The following COPZ1 variants were observed in gnomAD, a reference collection of about 807,000 sequenced individuals.
COPZ1 encodes coat protein complex I subunit zeta 1.
In COPZ1, 4 loss-of-function variants were observed where a neutral mutation model predicts 31.7. That is an observed-to-expected ratio of 0.13 (90% CI 0.06 to 0.29). The LOEUF (loss-of-function observed/expected upper bound fraction) is 0.29. Among genes scored for constraint, COPZ1 ranks in the 10% least tolerant of loss-of-function variants. The pLI is 1.00. For synonymous variants in COPZ1, 74 were observed against 79.0 expected (o/e 0.94, Z 0.33); for missense variants, 156 against 211.5 (o/e 0.74, Z 1.63).
At chr12:54,345,411 C>T (rs746662846) in intron 4 of COPZ1, 49 bp from the exon 5 acceptor site, 4 of 1,453,366 alleles carry the variant, frequency 2.8e-6, no homozygotes, top group Non-Finnish European at 3.8e-6. Flanking sequence ...TAGGTAGCAG[C>T]TTTCAGGGCC....
At chr12:54,346,570 G>GT (rs200822645) in intron 5 of COPZ1, 13,363 of 668,434 alleles carry the variant, frequency 0.02, 137 homozygotes, top group Non-Finnish European at 0.029. Context: ...ACTTAGACCA[G>GT]TTTTTTTTTG....
intron 6 of COPZ1, 48 bp from the exon 7 acceptor site, chr12:54,347,952 T>G: frequency 1.2e-6 from 2 of 1,608,178 alleles, no homozygotes; most frequent in Admixed American, 3.3e-5. Context: ...GACAGTGAGT[T>G]GGGCCTTCGG....
intron 7 of COPZ1, chr12:54,348,259 G>T: frequency 1.8e-6 from 1 of 570,432 alleles, no homozygotes; most frequent in Non-Finnish European, 3.1e-6. Context: ...CCCCTAATAT[G>T]GTGCCTAACA....
intron 1 of COPZ1, among the ~76,000 whole-genome samples, chr12:54,330,462 A>G (rs1388328544): frequency 6.6e-6 from 1 of 152,030 alleles, no homozygotes; most frequent in African/African-American, 2.4e-5. Context: ...CGACGTATTT[A>G]TATATATTTT....
In COPZ1 at chr12:54,325,139, A is replaced by G. The variant is rs370406871; in HGVS notation, c.-25A>G. On this transcript the variant is annotated 5_prime_UTR_variant, in exon 1 of 9. Transcript: ENST00000262061. ...GCGGCGGCGTTTCTTTTGCGGCTCC[A>G]CGTCGGCACCAGCTGCGGGGCAAGA... is the stretch of plus-strand genomic sequence containing the variant. 6 of 1,561,066 alleles carry G rather than the reference A, an allele frequency of 3.8e-6. No homozygotes were observed. Among genetic ancestry groups the G allele is most frequent in the African/African-American group, 1.4e-5 (1 of 73,548 alleles).
intron 1 of COPZ1, 115 bp downstream of exon 1, chr12:54,325,296 C>A: frequency 7.5e-7 from 1 of 1,333,100 alleles, no homozygotes; most frequent in Non-Finnish European, 1.0e-6. Flanking sequence ...GGGGACTGAG[C>A]GTTCTGCTGA....
rs143131073 is a variant in COPZ1, at chr12:54,332,138, C to T, written c.18+6957C>T. On this transcript the variant is annotated intron_variant, in intron 1 of 8. Transcript: ENST00000262061. ...AGGAGTTTGAGACCAGCCTGACCAACATGGTGAAACCCGTCTCTACCAAAA... is the reference window on the plus strand; with the variant it reads ...AGGAGTTTGAGACCAGCCTGACCAATATGGTGAAACCCGTCTCTACCAAAA... Among the ~76,000 whole-genome samples the T allele has an allele frequency of 5.3e-5, 8 of 151,964 alleles. No individual in the cohort carries two copies. The East Asian group carries it at 1.2e-3, about 22-fold the overall frequency.
chr12:54,328,275 C>CA (rs35785237), intron 1 of COPZ1, among the ~76,000 whole-genome samples: 52,171 of 111,300 alleles, frequency 0.47, 11,757 homozygotes, highest in South Asian at 0.71. Flanking sequence ...GACTCCATCT[C>CA]AAAAAAAAAA....
intron 1 of COPZ1, among the ~76,000 whole-genome samples, chr12:54,335,181 CAA>C (rs556631294): frequency 1.7e-3 from 151 of 88,586 alleles, no homozygotes; most frequent in Non-Finnish European, 1.9e-3. Flanking sequence ...GAAACTCTGT[CAA>C]AAAAAAAAAA....
chr12:54,342,855 T>TA (rs1953997247), intron 3 of COPZ1, among the ~76,000 whole-genome samples: 1 of 20,878 alleles, frequency 4.8e-5, no homozygotes. Context: ...AACGCCTTCT[T>TA]TTTTTTTTTT....
rs60827109 is a variant in COPZ1 at position 54,326,961 on chromosome 12, C to CTTTTTTTTT, written c.18+1809_18+1817dup. Among the ~76,000 whole-genome samples, 99 of 43,558 alleles carry CTTTTTTTTT rather than the reference C, an allele frequency of 2.3e-3. 41 individuals are homozygous for CTTTTTTTTT. Among genetic ancestry groups the CTTTTTTTTT allele is most frequent in the Non-Finnish European group, 2.8e-3 (63 of 22,524 alleles). The allele number at this position is 43,558 out of a possible 152,430, so 28.6% of individuals were successfully genotyped here. ...CTGTACCAAGCAGTTAACAAGTATT[C>CTTTTTTTTT]TTTTTTTTTTTTTTTTTTTTTTTTT... is the stretch of plus-strand genomic sequence containing the variant. On this transcript the variant is annotated intron_variant, in intron 1 of 8. Coordinates refer to ENST00000262061, the MANE Select transcript of COPZ1 (RefSeq NM_016057.3).
At chr12:54,349,568 G>C in intron 7 of COPZ1, 52 bp from the exon 8 acceptor site, 1 of 1,446,894 alleles carries the variant, frequency 6.9e-7, no homozygotes, top group Non-Finnish European at 9.7e-7. Flanking sequence ...ACTCCAATCA[G>C]GTCTTACTCC....
chr12:54,345,444 C>G lies in COPZ1; in HGVS notation c.262-16C>G, dbSNP rs1565596333. ...GCCTTGAACCTTATCCTTCTGCCTCCTCTGTTTCCCAACAGCTGATGCTTA... is the reference window on the plus strand; with the variant it reads ...GCCTTGAACCTTATCCTTCTGCCTCGTCTGTTTCCCAACAGCTGATGCTTA... On this transcript the variant is annotated splice_polypyrimidine_tract_variant and intron_variant, in intron 4 of 8. Transcript: ENST00000262061. The G allele has an allele frequency of 1.9e-6, 3 of 1,610,360 alleles. No individual in the cohort carries two copies. The highest frequency in any genetic ancestry group is 1.3e-5 in the African/African-American group (1 of 74,848).
At chr12:54,337,580 C>G (rs1184565221) in intron 1 of COPZ1, among the ~76,000 whole-genome samples, 1 of 152,224 alleles carries the variant, frequency 6.6e-6, no homozygotes, top group Non-Finnish European at 1.5e-5. Flanking sequence ...GCCCTCCCCA[C>G]TCCTGAGAGG....
intron 1 of COPZ1, among the ~76,000 whole-genome samples, chr12:54,328,758 A>G (rs1158669535): frequency 6.6e-6 from 1 of 152,106 alleles, no homozygotes; most frequent in Non-Finnish European, 1.5e-5. Context: ...TTAAAACCAC[A>G]CTGGTTCTTT....
rs1954133891 is a variant in COPZ1 at position 54,350,769 on chromosome 12, C to G, written c.*246C>G. 7.1e-6 allele frequency: 4 copies of G among 564,862 alleles called. No homozygotes were observed. The South Asian group carries it at 8.5e-5, about 12-fold the overall frequency. The allele number at this position is 564,862 out of a possible 1,614,324, so 35.0% of individuals were successfully genotyped here. ...TAGATAATAGGGCAGGGGAAGCACC[C>G]TCTTTCTTTCTAGACTGGATTATGC... is the stretch of plus-strand genomic sequence containing the variant. On this transcript the variant is annotated 3_prime_UTR_variant, in exon 9 of 9. Transcript: ENST00000262061.
chr12:54,335,394 G>T (rs1264501091), intron 1 of COPZ1, among the ~76,000 whole-genome samples: 1 of 151,226 alleles, frequency 6.6e-6, no homozygotes, highest in Admixed American at 6.7e-5. Flanking sequence ...AGGCCCTTTT[G>T]GTATGGCCTT....
rs1196651991 is a variant in COPZ1 at position 54,351,607 on chromosome 12, T to C, written c.*1084T>C. On this transcript the variant is annotated 3_prime_UTR_variant, in exon 9 of 9. Coordinates refer to ENST00000262061, the MANE Select transcript of COPZ1 (RefSeq NM_016057.3). ...GGAAGATGGAGAATGGAATACTCACTCTTGGGTCTAATCTTTCCCCTTGAC... is the reference window on the plus strand; with the variant it reads ...GGAAGATGGAGAATGGAATACTCACCCTTGGGTCTAATCTTTCCCCTTGAC... 1 of 152,172 alleles carries C rather than the reference T, an allele frequency of 6.6e-6. No individual in the cohort carries two copies. The highest frequency in any genetic ancestry group is 1.5e-5 in the Non-Finnish European group (1 of 68,048). The allele number at this position is 152,172 out of a possible 1,614,324, so 9.4% of individuals were successfully genotyped here.
chr12:54,345,914 G>A (rs1369239427), intron 5 of COPZ1, among the ~76,000 whole-genome samples: 2 of 149,288 alleles, frequency 1.3e-5, no homozygotes, highest in African/African-American at 2.5e-5. Context: ...CCGAGATCGC[G>A]CCACTGCACT....
Sources: allele counts gnomAD v4.1 joint callset (sites outside exome capture counted in the v4.1 genomes callset), GRCh38; gene constraint gnomAD v4.1.1; transcripts MANE v1.5; gene names NCBI Gene and HGNC (gene_info 2026-07-23, HGNC 2026-07-21).